The following GALNT2 variants were observed in gnomAD, a reference collection of about 807,000 sequenced individuals.
GALNT2 encodes the protein polypeptide N-acetylgalactosaminyltransferase 2.
Under a neutral mutation model 81.4 loss-of-function variants are expected in GALNT2, and 31 were observed. The ratio of observed to expected loss-of-function variants is 0.38; its 90% CI spans 0.29 to 0.51. GALNT2 has a LOEUF of 0.51. Ranked by LOEUF, GALNT2 falls within the 20% of genes least tolerant of loss-of-function variation. The probability of loss-of-function intolerance (pLI) is 0.87; values close to 1 mark genes in which losing one functional copy is unlikely to be tolerated. For missense variants in GALNT2, 629 were observed against 765.7 expected (o/e 0.82, Z 2.11); for synonymous variants, 303 against 287.4 (o/e 1.05, Z -0.55).
intron 6 of GALNT2, among the ~76,000 whole-genome samples, chr1:230,241,883 T>C (rs1037465714): frequency 6.6e-6 from 1 of 152,248 alleles, no homozygotes; most frequent in Non-Finnish European, 1.5e-5. Flanking sequence ...TTCCAAACTT[T>C]GTTTTCTCTG....
upstream of GALNT2, among the ~76,000 whole-genome samples, chr1:230,064,473 T>G (rs1659117786): frequency 2.0e-5 from 3 of 152,204 alleles, no homozygotes. Context: ...CATATCTGTT[T>G]GCCTACAACC....
At position 230,070,744 on chromosome 1, in the gene GALNT2, G is replaced by C. The variant is rs1457745540; in HGVS notation, c.126+3338G>C. On this transcript the variant is annotated intron_variant, in intron 1 of 15. Coordinates refer to ENST00000366672, the MANE Select transcript of GALNT2 (RefSeq NM_004481.5). The surrounding 1 kb of genome is among the most constrained non-coding windows in gnomAD (Gnocchi z 4.7). Reference sequence around the variant, plus strand: ...TCTTGGAACAGTGAAGGACCTTGCCGGGCTAGACCATGGTACACATGGAGG... The same window carrying C: ...TCTTGGAACAGTGAAGGACCTTGCCCGGCTAGACCATGGTACACATGGAGG... Among the ~76,000 whole-genome samples the C allele has an allele frequency of 1.3e-5, 2 of 152,198 alleles. No homozygotes were observed. The highest frequency in any genetic ancestry group is 3.8e-4 in the East Asian group (2 of 5,202).
chr1:230,109,493 A>G (rs770332777), intron 1 of GALNT2, among the ~76,000 whole-genome samples: 2 of 152,200 alleles, frequency 1.3e-5, no homozygotes, highest in Non-Finnish European at 2.9e-5. Flanking sequence ...ACCATTGTCC[A>G]CCACCAGATG....
chr1:230,147,490 T>G (rs1661956474), intron 1 of GALNT2, among the ~76,000 whole-genome samples: 1 of 152,238 alleles, frequency 6.6e-6, no homozygotes, highest in South Asian at 2.1e-4. Flanking sequence ...GTGTCGCCTC[T>G]CCCTTGAAAG....
intron 3 of GALNT2, among the ~76,000 whole-genome samples, chr1:230,215,241 A>G (rs1284282080): frequency 6.6e-6 from 1 of 152,184 alleles, no homozygotes; most frequent in African/African-American, 2.4e-5. Context: ...TGGCCTCCAC[A>G]GCTCCACAGC....
chr1:230,162,105 C>G (rs1662454242), intron 1 of GALNT2, among the ~76,000 whole-genome samples: 2 of 152,136 alleles, frequency 1.3e-5, no homozygotes, highest in South Asian at 4.1e-4. Context: ...TACTGTTGAA[C>G]AAGCTTGTAT....
intron 1 of GALNT2, among the ~76,000 whole-genome samples, chr1:230,159,284 T>C (rs1662358733): frequency 6.6e-6 from 1 of 152,218 alleles, no homozygotes; most frequent in African/African-American, 2.4e-5. Flanking sequence ...ATGCCCATGA[T>C]ATCTCATCTT....
chr1:230,201,601 G>A (rs1411765070), intron 2 of GALNT2, among the ~76,000 whole-genome samples: 5 of 152,240 alleles, frequency 3.3e-5, no homozygotes, highest in East Asian at 3.9e-4. Context: ...TCAACTGCAC[G>A]ACCCAAGGGT....
intron 1 of GALNT2, among the ~76,000 whole-genome samples, chr1:230,145,960 T>C (rs568474238): frequency 6.6e-6 from 1 of 152,340 alleles, no homozygotes; most frequent in East Asian, 1.9e-4. Flanking sequence ...AAGACGTTGG[T>C]CCACTCCTTG....
At chr1:230,113,316 T>C (rs997137001) in intron 1 of GALNT2, among the ~76,000 whole-genome samples, 1 of 152,132 alleles carries the variant, frequency 6.6e-6, no homozygotes. Flanking sequence ...GTCTTCCTTG[T>C]ACCAGTTTCT....
intron 2 of GALNT2, among the ~76,000 whole-genome samples, chr1:230,184,837 CTCTT>C (rs1332287957): frequency 6.6e-6 from 1 of 152,106 alleles, no homozygotes; most frequent in Non-Finnish European, 1.5e-5. Context: ...GTTCCTTTCT[CTCTT>C]TCTTCTCCTT....
At chr1:230,118,799 C>G (rs1030882457) in intron 1 of GALNT2, among the ~76,000 whole-genome samples, 4 of 152,150 alleles carry the variant, frequency 2.6e-5, no homozygotes, top group African/African-American at 9.7e-5. Flanking sequence ...CGCCCTTCCT[C>G]TCATCCTACT....
rs149852730 is a variant in GALNT2, at chr1:230,192,474, T to C, written c.221-10663T>C. Among the ~76,000 whole-genome samples, 883 of 152,302 alleles carry C rather than the reference T, an allele frequency of 5.8e-3. 5 individuals are homozygous for C. The highest frequency in any genetic ancestry group is 8.0e-3 in the Non-Finnish European group (545 of 68,020). Reference sequence around the variant, plus strand: ...GGGATTCTGGGCAGTAGATTCACTTTGATATTATTACTGATATTTAGGATG... The same window carrying C: ...GGGATTCTGGGCAGTAGATTCACTTCGATATTATTACTGATATTTAGGATG... On this transcript the variant is annotated intron_variant, in intron 2 of 15. Transcript: ENST00000366672.
intron 11 of GALNT2, among the ~76,000 whole-genome samples, chr1:230,260,282 G>A (rs1449982538): frequency 6.6e-6 from 1 of 152,192 alleles, no homozygotes; most frequent in African/African-American, 2.4e-5. Flanking sequence ...CGGTGCCACT[G>A]TATCTGCAGC....
intron 1 of GALNT2, among the ~76,000 whole-genome samples, chr1:230,083,345 C>A (rs528782337): frequency 7.6e-6 from 1 of 131,894 alleles, no homozygotes; most frequent in Admixed American, 7.8e-5. Context: ...GCAGGGGAGC[C>A]GGGATGAGGG....
intron 2 of GALNT2, among the ~76,000 whole-genome samples, chr1:230,182,930 T>C (rs1278170223): frequency 6.6e-6 from 1 of 152,222 alleles, no homozygotes. Flanking sequence ...ATTTTTATGC[T>C]CCTTTTAGGC....
At chr1:230,254,301 G>C (rs1230736645) in intron 10 of GALNT2, among the ~76,000 whole-genome samples, 2 of 152,150 alleles carry the variant, frequency 1.3e-5, no homozygotes, top group African/African-American at 4.8e-5. Flanking sequence ...GCTCAGGGCA[G>C]TCTGTGTGTT....
In GALNT2 at chr1:230,243,298, C is replaced by T; in HGVS notation, c.608-8C>T. The T allele has an allele frequency of 6.3e-7, 1 of 1,593,780 alleles. No homozygotes were observed. The highest frequency in any genetic ancestry group is 8.5e-7 in the Non-Finnish European group (1 of 1,172,668). On this transcript the variant is annotated splice_polypyrimidine_tract_variant and splice_region_variant and intron_variant, in intron 6 of 15. Transcript: ENST00000366672. The surrounding 1 kb of genome is among the most constrained non-coding windows in gnomAD (Gnocchi z 4.2). ...TCTCCTGACGTGCTTTCCAACTCGC[C>T]TCTGCAGGCCTCATGCGCTCACGGG...
At chr1:230,229,191 T>A (rs2102730013) in intron 3 of GALNT2, among the ~76,000 whole-genome samples, 1 of 152,346 alleles carries the variant, frequency 6.6e-6, no homozygotes, top group East Asian at 1.9e-4. Flanking sequence ...ATTTTTGCAA[T>A]GCTTCTGGCT....
Sources: allele counts gnomAD v4.1 joint callset (sites outside exome capture counted in the v4.1 genomes callset), GRCh38; gene constraint gnomAD v4.1.1; non-coding constraint Gnocchi (gnomAD v3.1); transcripts MANE v1.5; gene names NCBI Gene and HGNC (gene_info 2026-07-23, HGNC 2026-07-21).